The following TOGARAM1 variants were observed in gnomAD, a reference collection of about 807,000 sequenced individuals.
The protein encoded by TOGARAM1 is TOG array regulator of axonemal microtubules protein 1.
In TOGARAM1, 100 loss-of-function variants were observed where a neutral mutation model predicts 166.6. The observed-to-expected ratio is 0.60, with a 90% CI of 0.51 to 0.71. The LOEUF is 0.71. TOGARAM1 is among the 30% of genes least tolerant of loss of function. The pLI is 0.00. For synonymous variants in TOGARAM1, 758 were observed against 763.8 expected (o/e 0.99, Z 0.13); for missense variants, 2,029 against 2,102.7 (o/e 0.96, Z 0.69).
chr14:45,049,667 ATATCT>A (rs1297702010), intron 14 of TOGARAM1, among the ~76,000 whole-genome samples: 3 of 152,122 alleles, frequency 2.0e-5, no homozygotes, highest in African/African-American at 4.8e-5. Context: ...CTTGGGAGTG[ATATCT>A]TATTATATTC....
chr14:45,049,754 CA>C (rs950762891), intron 14 of TOGARAM1, among the ~76,000 whole-genome samples: 19 of 151,302 alleles, frequency 1.3e-4, no homozygotes, highest in African/African-American at 4.1e-4. Context: ...CGTTAATGTT[CA>C]AAAAAATTCA....
intron 1 of TOGARAM1, among the ~76,000 whole-genome samples, chr14:44,977,765 C>T (rs945358250): frequency 5.3e-5 from 8 of 152,090 alleles, no homozygotes; most frequent in Non-Finnish European, 1.0e-4. Context: ...CCTGCCTCAG[C>T]CTCCCAAGTA....
Position 45,028,291 on chromosome 14 carries a change from G to T in TOGARAM1, c.3620G>T (p.Arg1207Leu). 2.5e-6 allele frequency: 4 copies of T among 1,599,698 alleles called. No homozygotes were observed. Among genetic ancestry groups the T allele is most frequent in the Non-Finnish European group, 3.4e-6 (4 of 1,176,230 alleles). ...CEKKEKNSWE[R>L]MRHTGTEKMA... The stretch of plus-strand genomic sequence containing the variant: ...AAGAAGGAAAAAAATTCCTGGGAAC[G>T]AATGAGACATACAGGAACTGAGAAA... The change falls in exon 10 of 20, where the codon CGA (arginine) becomes CTA (leucine). Residue 1207 changes from arginine to leucine, a missense_variant. By Grantham distance (102) the Arg-to-Leu change is moderately radical (BLOSUM62 -2). Coordinates refer to ENST00000361462, the MANE Select transcript of TOGARAM1 (RefSeq NM_001308120.2).
intron 16 of TOGARAM1, among the ~76,000 whole-genome samples, chr14:45,065,794 G>C (rs1883113219): frequency 6.6e-6 from 1 of 152,182 alleles, no homozygotes; most frequent in Non-Finnish European, 1.5e-5. Flanking sequence ...CATAAGAGTG[G>C]TTCACTTAAT....
intron 7 of TOGARAM1, among the ~76,000 whole-genome samples, chr14:45,015,058 C>G (rs138311939): frequency 0.019 from 2,892 of 152,168 alleles, 35 homozygotes; most frequent in Middle Eastern, 0.051. Context: ...AATCCCAGCA[C>G]TTTGGGAGGC....
intron 16 of TOGARAM1, among the ~76,000 whole-genome samples, chr14:45,059,165 C>A (rs1394883493): frequency 6.6e-6 from 1 of 151,938 alleles, no homozygotes; most frequent in Non-Finnish European, 1.5e-5. Context: ...ACAGCCTCGA[C>A]CTCCTGGGTT....
chr14:44,986,336 C>T (rs1457293794), intron 1 of TOGARAM1, among the ~76,000 whole-genome samples: 1 of 152,090 alleles, frequency 6.6e-6, no homozygotes, highest in Non-Finnish European at 1.5e-5. Context: ...GTTGCTCATG[C>T]TGGAGTGTAG....
At chr14:45,064,524 G>A (rs1436594831) in intron 16 of TOGARAM1, among the ~76,000 whole-genome samples, 1 of 152,104 alleles carries the variant, frequency 6.6e-6, no homozygotes, top group African/African-American at 2.4e-5. Context: ...AGGCTGGAGT[G>A]CAATGACGTG....
chr14:45,004,015 A>G, intron 3 of TOGARAM1, 46 bp from the exon 4 acceptor site: 1 of 1,476,870 alleles, frequency 6.8e-7, no homozygotes, highest in Non-Finnish European at 9.0e-7. Flanking sequence ...TTTAACTGTT[A>G]AACTGTGTAT....
At chr14:45,013,115 AC>A (rs1229656372) in intron 7 of TOGARAM1, among the ~76,000 whole-genome samples, 2 of 152,248 alleles carry the variant, frequency 1.3e-5, no homozygotes, top group East Asian at 3.9e-4. Context: ...AAATCAGACC[AC>A]CATCAGTACC....
intron 10 of TOGARAM1, among the ~76,000 whole-genome samples, chr14:45,030,123 A>T (rs192736915): frequency 1.1e-4 from 17 of 152,246 alleles, no homozygotes; most frequent in Non-Finnish European, 1.3e-4. Flanking sequence ...CCCAGCCAAC[A>T]GTGGAAGTTT....
At chr14:45,047,319 G>C (rs1882117155) in intron 14 of TOGARAM1, among the ~76,000 whole-genome samples, 1 of 151,622 alleles carries the variant, frequency 6.6e-6, no homozygotes, top group South Asian at 2.1e-4. Context: ...TTGAACCCGG[G>C]AGGCGGAGGT....
Position 44,999,498 on chromosome 14 carries a change from G to A in TOGARAM1, c.2338+1G>A. On this transcript the variant is annotated splice_donor_variant, in intron 3 of 19. Transcript: ENST00000361462. LOFTEE classifies it high-confidence loss of function. ...ACAACTAGCAGTCATCAAGAAAAAG[G>A]TATAAGTTCCAAATTTACTTGGAAA... 4 of 1,594,602 alleles carry A rather than the reference G, an allele frequency of 2.5e-6. No individual in the cohort carries two copies. In the South Asian group the frequency reaches 4.6e-5, roughly 18 times the overall value.
At chr14:45,046,296 T>C (rs551288520) in intron 13 of TOGARAM1, among the ~76,000 whole-genome samples, 3 of 152,152 alleles carry the variant, frequency 2.0e-5, no homozygotes, top group Admixed American at 6.5e-5. Flanking sequence ...ATTACCTGGG[T>C]GTGGTGGCAC....
chr14:45,068,338 G>A, intron 17 of TOGARAM1, 86 bp from the exon 18 acceptor site: 1 of 974,352 alleles, frequency 1.0e-6, no homozygotes, highest in Non-Finnish European at 1.5e-6. Flanking sequence ...TAAAGTAGGA[G>A]AAATATTATG....
At chr14:44,979,382 T>C (rs969198252) in intron 1 of TOGARAM1, among the ~76,000 whole-genome samples, 2 of 152,062 alleles carry the variant, frequency 1.3e-5, no homozygotes, top group African/African-American at 2.4e-5. Context: ...GCTGTGTCCT[T>C]ATGGGGTGGA....
Position 45,006,178 on chromosome 14 carries a change from C to G in TOGARAM1, c.2815C>G (p.Pro939Ala). Residue 939 changes from proline to alanine, a missense_variant, in exon 5 of 20, where the codon CCT becomes GCT. Physicochemically the swap from Pro to Ala is conservative, Grantham distance 27. Transcript: ENST00000361462. The part of the protein sequence containing the change: ...LSTVGHKKKE[P>A]DDIWKCEKDS... Reference sequence around the variant, plus strand: ...CACAGTGGGACACAAAAAGAAAGAGCCTGATGATATTTGGAAGTGTGAAAA... The same window carrying G: ...CACAGTGGGACACAAAAAGAAAGAGGCTGATGATATTTGGAAGTGTGAAAA... 6.2e-7 allele frequency: 1 copy of G among 1,613,784 alleles called. No homozygotes were observed. The highest frequency in any genetic ancestry group is 2.2e-5 in the East Asian group (1 of 44,866).
chr14:45,046,627 T>G lies in TOGARAM1; in HGVS notation c.4237T>G (p.Ser1413Ala). 7.0e-7 allele frequency: 1 copy of G among 1,419,210 alleles called. No individual in the cohort carries two copies. The highest frequency in any genetic ancestry group is 9.3e-7 in the Non-Finnish European group (1 of 1,079,242). The allele number at this position is 1,419,210 out of a possible 1,614,324, so 87.9% of individuals were successfully genotyped here. The change falls in exon 14 of 20, where the codon TCT becomes GCT. Residue 1413 changes from serine to alanine, a missense_variant. Around this residue, in one of 2 missense-constraint regions of TOGARAM1, gnomAD observed 576 missense variants for 670.5 expected, o/e 0.86. Transcript: ENST00000361462. ...ATTTATGGAACCAGAACGTATTTTA[T>G]CTGCAGCAAAGGATATGGCTGAACG... ...LEFMEPERIL[S>A]AAKDMAERIL... is the part of the protein sequence containing the mutation.
At chr14:45,000,300 C>T (rs751395283) in intron 3 of TOGARAM1, among the ~76,000 whole-genome samples, 92 of 152,050 alleles carry the variant, frequency 6.1e-4, no homozygotes, top group Non-Finnish European at 1.1e-3. Context: ...TGCCCGGCCT[C>T]TTATTTTATT....
Sources: gnomAD v4.1 joint callset for allele counts (sites outside exome capture counted in the v4.1 genomes callset) on GRCh38, gnomAD v4.1.1 for gene constraint, gnomAD v4.1.1 regional missense constraint, MANE v1.5 for transcripts, NCBI Gene and HGNC (gene_info 2026-07-23, HGNC 2026-07-21) for gene names.